Variants in DZIP1L observed in about 807,000 individuals in gnomAD.
The protein encoded by DZIP1L is DAZ interacting zinc finger protein 1 like, also known as cilium assembly protein DZIP1L.
In DZIP1L, 90 loss-of-function variants were observed where a neutral mutation model predicts 88.7. That is an observed-to-expected ratio of 1.02 (90% confidence interval 0.86 to 1.21). DZIP1L has a LOEUF of 1.21. Among genes scored for constraint, DZIP1L ranks in the 50% most tolerant of loss-of-function variants. DZIP1L has a pLI of 0.00. For missense variants in DZIP1L, 932 were observed against 955.8 expected (o/e 0.98, Z 0.33); for synonymous variants, 363 against 372.1 (o/e 0.98, Z 0.28).
chr3:138,084,335 G>T, intron 7 of DZIP1L, 82 bp from the exon 8 acceptor site: 5 of 1,523,032 alleles, frequency 3.3e-6, no homozygotes, highest in Non-Finnish European at 4.4e-6. Context: ...AGCACCTGTA[G>T]GCAAGTGCCA....
intron 1 of DZIP1L, among the ~76,000 whole-genome samples, chr3:138,105,830 T>G (rs1390798801): frequency 6.6e-6 from 1 of 152,160 alleles, no homozygotes; most frequent in Non-Finnish European, 1.5e-5. Flanking sequence ...TATGTATGAT[T>G]CACTTATGTA....
chr3:138,092,749 A>G lies in DZIP1L; in HGVS notation c.709-205T>C, dbSNP rs560342112. 3.9e-5 allele frequency among the ~76,000 whole-genome samples: 6 copies of G among 152,322 alleles called. 1 individual carries two copies. The South Asian group carries it at 1.2e-3, about 32-fold the overall frequency. ...TTCTAAGCATCTTCAGAAGTAGTAG[A>G]TTCCTTCTCAAGAAACTACTTTATT... On this transcript the variant is annotated intron_variant, in intron 4 of 15. Coordinates refer to ENST00000327532, the MANE Select transcript of DZIP1L (RefSeq NM_173543.3).
chr3:138,092,634 A>C, intron 4 of DZIP1L, 90 bp from the exon 5 acceptor site: 1 of 1,334,420 alleles, frequency 7.5e-7, no homozygotes, highest in Non-Finnish European at 9.9e-7. Context: ...TTGTCTATGC[A>C]AGTCACTATG....
At chr3:138,066,987 G>A (rs1942934971) in intron 14 of DZIP1L, among the ~76,000 whole-genome samples, 1 of 152,158 alleles carries the variant, frequency 6.6e-6, no homozygotes, top group Admixed American at 6.5e-5. Context: ...ACAGCTGCCT[G>A]TTTAAGGGCC....
At chr3:138,099,923 A>T (rs981347599) in intron 2 of DZIP1L, among the ~76,000 whole-genome samples, 19 of 152,200 alleles carry the variant, frequency 1.2e-4, no homozygotes, top group African/African-American at 3.6e-4. Context: ...CTTTATTGCA[A>T]CACTAAACTT....
intron 1 of DZIP1L, chr3:138,108,222 A>G (rs745827504): frequency 8.1e-6 from 8 of 985,182 alleles, no homozygotes; most frequent in Admixed American, 6.2e-5. Flanking sequence ...CAACTGTGCC[A>G]CCAGAGCCTC....
intron 12 of DZIP1L, among the ~76,000 whole-genome samples, chr3:138,070,775 C>G (rs1023709090): frequency 6.6e-6 from 1 of 152,146 alleles, no homozygotes; most frequent in Non-Finnish European, 1.5e-5. Flanking sequence ...TCCTTCTGGC[C>G]ACATGTGTCC....
chr3:138,084,381 G>C, intron 7 of DZIP1L, 128 bp from the exon 8 acceptor site: 1 of 1,281,564 alleles, frequency 7.8e-7, no homozygotes. Context: ...ACCTGGACAG[G>C]CTTTCTAACA....
chr3:138,087,129 A>G, intron 6 of DZIP1L, 106 bp from the exon 7 acceptor site: 1 of 942,130 alleles, frequency 1.1e-6, no homozygotes, highest in Non-Finnish European at 1.6e-6. Flanking sequence ...CAGACAGAGT[A>G]GTGGAATAGA....
chr3:138,095,035 G>C lies in DZIP1L; in HGVS notation c.587-52C>G, dbSNP rs545032750. ...ACCAGTTTAAGTCCAAAAATCAAGG[G>C]AGTGTAGTTTCTCACCTTGTCAATC... On this transcript the variant is annotated intron_variant, in intron 3 of 15. Coordinates refer to ENST00000327532, the MANE Select transcript of DZIP1L (RefSeq NM_173543.3). 5.6e-6 allele frequency: 9 copies of C among 1,612,030 alleles called. No individual in the cohort carries two copies. The African/African-American group carries it at 1.2e-4, about 22-fold the overall frequency.
At position 138,094,906 on chromosome 3, in the gene DZIP1L, C is replaced by A; in HGVS notation, c.664G>T (p.Glu222Ter). Residue 222 changes from glutamate to a stop codon, truncating the protein, a stop_gained, in exon 4 of 16, where the codon GAG becomes TAG. Coordinates refer to ENST00000327532, the MANE Select transcript of DZIP1L (RefSeq NM_173543.3). LOFTEE classifies it high-confidence loss of function. ...LRAKLKWTQG[E>*]LEAQREAERQ... ...TCCGCCTCCCTCTGGGCTTCCAGCT[C>A]CCCTTGGGTCCACTTTAGCTTGGCC... The A allele has an allele frequency of 6.2e-7, 1 of 1,614,240 alleles. No individual in the cohort carries two copies. The highest frequency in any genetic ancestry group is 1.1e-5 in the South Asian group (1 of 91,088).
Position 138,101,988 on chromosome 3 carries a change from A to C in DZIP1L, c.501+1483T>G. On this transcript the variant is annotated intron_variant, in intron 2 of 15. Transcript: ENST00000327532. Reference sequence around the variant, plus strand: ...CTGGAGCCGGCTGATGTTCTGGTTCATCTCAGAGATCTCAGTCTTTGTATG... The same window carrying C: ...CTGGAGCCGGCTGATGTTCTGGTTCCTCTCAGAGATCTCAGTCTTTGTATG... The C allele has an allele frequency of 2.0e-6, 3 of 1,535,240 alleles. No homozygotes were observed. The South Asian group carries it at 3.4e-5, about 17-fold the overall frequency.
chr3:138,080,672 G>C, intron 9 of DZIP1L, 52 bp from the exon 10 acceptor site: 1 of 1,594,472 alleles, frequency 6.3e-7, no homozygotes, highest in Non-Finnish European at 8.6e-7. Flanking sequence ...CCCCATCCCT[G>C]ACTAGAAGAA....
chr3:138,084,139 T>C lies in DZIP1L; in HGVS notation c.1177A>G (p.Arg393Gly), dbSNP rs746296826. ...ATCTCCTCCTGGGAGGCAATGATCC[T>C]AGCTTGTTCCTGCAGCTGGGCACGG... Reference protein sequence around the residue: ...TLRAQLQEQARIIASQEEMIQ... With the variant: ...TLRAQLQEQAGIIASQEEMIQ... Residue 393 changes from arginine (R) to glycine (G), a missense_variant, in exon 8 of 16, where the codon AGG (arginine) becomes GGG (glycine). Coordinates refer to ENST00000327532, the MANE Select transcript of DZIP1L (RefSeq NM_173543.3). 1.2e-6 allele frequency: 2 copies of C among 1,614,120 alleles called. No homozygotes were observed. Among genetic ancestry groups the C allele is most frequent in the South Asian group, 1.1e-5 (1 of 91,086 alleles).
intron 10 of DZIP1L, among the ~76,000 whole-genome samples, chr3:138,078,452 C>A (rs1419735575): frequency 6.6e-6 from 1 of 152,214 alleles, no homozygotes; most frequent in Non-Finnish European, 1.5e-5. Flanking sequence ...GTTGGAATCA[C>A]CCCAGGCTGA....
chr3:138,100,291 A>T (rs986613975), intron 2 of DZIP1L, among the ~76,000 whole-genome samples: 1 of 152,214 alleles, frequency 6.6e-6, no homozygotes, highest in Non-Finnish European at 1.5e-5. Flanking sequence ...AGATTGGTAA[A>T]CACTAAGGTG....
intron 12 of DZIP1L, among the ~76,000 whole-genome samples, chr3:138,070,931 C>T (rs1943148617): frequency 2.0e-5 from 3 of 152,206 alleles, no homozygotes; most frequent in African/African-American, 7.2e-5. Context: ...AACCTGGGAA[C>T]ACAAATACAC....
chr3:138,080,106 G>T (rs1240444740), intron 10 of DZIP1L, among the ~76,000 whole-genome samples: 1 of 152,154 alleles, frequency 6.6e-6, no homozygotes, highest in African/African-American at 2.4e-5. Flanking sequence ...TCTGACAAGG[G>T]AGCCGAGGTG....
intron 1 of DZIP1L, among the ~76,000 whole-genome samples, chr3:138,110,023 T>G (rs1576512315): frequency 6.6e-6 from 1 of 152,216 alleles, no homozygotes. Context: ...ACACCATGCA[T>G]GTATACCTAT....
Sources: allele counts gnomAD v4.1 joint callset (sites outside exome capture counted in the v4.1 genomes callset), GRCh38; gene constraint gnomAD v4.1.1; transcripts MANE v1.5; gene names NCBI Gene and HGNC (gene_info 2026-07-23, HGNC 2026-07-21).